Variants in ASIC1 observed in about 807,000 individuals in gnomAD.
ASIC1 encodes acid-sensing ion channel 1.
A neutral mutation model predicts 63.4 loss-of-function variants in ASIC1; 21 were observed. The observed-to-expected ratio is 0.33, with a 90% CI of 0.23 to 0.48. The LOEUF (loss-of-function observed/expected upper bound fraction) is 0.48, where lower values mean the gene tolerates loss of function less well. Among genes scored for constraint, ASIC1 ranks in the 20% least tolerant of loss-of-function variants. ASIC1 has a pLI of 0.99. For missense variants in ASIC1, 478 were observed against 695.5 expected (o/e 0.69, Z 3.52); for synonymous variants, 258 against 278.2 (o/e 0.93, Z 0.72).
intron 7 of ASIC1, among the ~76,000 whole-genome samples, chr12:50,079,427 A>AATC (rs150515728): frequency 0.032 from 4,916 of 152,146 alleles, 280 homozygotes; most frequent in African/African-American, 0.11. Flanking sequence ...TAATAATAAT[A>AATC]ATCAATAAAG....
intron 3 of ASIC1, among the ~76,000 whole-genome samples, chr12:50,063,288 A>G (rs1225445426): frequency 6.6e-6 from 1 of 152,146 alleles, no homozygotes; most frequent in Non-Finnish European, 1.5e-5. Flanking sequence ...CTCCAGCTGC[A>G]CCTTATCTGT....
At chr12:50,073,829 AG>A (rs1950624398) in intron 3 of ASIC1, 3 of 1,531,152 alleles carry the variant, frequency 2.0e-6, no homozygotes, top group East Asian at 2.4e-5. Flanking sequence ...ATTTTTGTGG[AG>A]GGGGGTCCAG....
At position 50,077,207 on chromosome 12, in the gene ASIC1, C is replaced by T. The variant is rs767214483; in HGVS notation, c.559-6C>T. On this transcript the variant is annotated splice_region_variant and splice_polypyrimidine_tract_variant and intron_variant, in intron 3 of 11. Transcript: ENST00000447966. Reference sequence around the variant, plus strand: ...ACTCTTAGGCTCTCCACTCTGCCCTCGCCAGGTCTTCACACGCTATGGAAA... The same window carrying T: ...ACTCTTAGGCTCTCCACTCTGCCCTTGCCAGGTCTTCACACGCTATGGAAA... 5.0e-6 allele frequency: 8 copies of T among 1,605,692 alleles called. No homozygotes were observed. Among genetic ancestry groups the T allele is most frequent in the East Asian group, 2.2e-5 (1 of 44,840 alleles).
chr12:50,076,941 T>C (rs1188450547), intron 3 of ASIC1: 1 of 598,594 alleles, frequency 1.7e-6, no homozygotes, highest in Non-Finnish European at 3.1e-6. Context: ...CCATTACCAA[T>C]ACCTCCCAAC....
intron 3 of ASIC1, among the ~76,000 whole-genome samples, chr12:50,071,179 C>A (rs2137828660): frequency 6.6e-6 from 1 of 151,968 alleles, no homozygotes; most frequent in Non-Finnish European, 1.5e-5. Context: ...CCAGGGAAGG[C>A]ACAGGACTGT....
chr12:50,080,844 C>T lies in ASIC1; in HGVS notation c.1297+255C>T, dbSNP rs899813299. On this transcript the variant is annotated intron_variant, in intron 9 of 11. Coordinates refer to ENST00000447966, the MANE Select transcript of ASIC1 (RefSeq NM_001095.4). Reference sequence around the variant, plus strand: ...TGGAAGTGGAGACTATTTCATATGCCCCTAAACTAAGAGGGTTGTGGTATT... The same window carrying T: ...TGGAAGTGGAGACTATTTCATATGCTCCTAAACTAAGAGGGTTGTGGTATT... The T allele has an allele frequency of 9.7e-6, 9 of 929,732 alleles. No individual in the cohort carries two copies. In the South Asian group the frequency reaches 1.2e-4, roughly 13 times the overall value. 57.6% of individuals were successfully genotyped at this position (929,732 alleles called of 1,614,324 possible). A position where few individuals can be genotyped will look rare whatever the true frequency, so the allele number is the denominator to read the frequency against.
At position 50,074,147 on chromosome 12, in the gene ASIC1, T is replaced by C. The variant is rs1309356455; in HGVS notation, c.559-3066T>C. ...GCCTTCTCTGGGGAGCCCTTTAACC[T>C]GCACCGCTTCTACAATCGCTCCTGC... On this transcript the variant is annotated intron_variant, in intron 3 of 11. Coordinates refer to ENST00000447966, the MANE Select transcript of ASIC1 (RefSeq NM_001095.4). The surrounding 1 kb of genome is among the most constrained non-coding windows in gnomAD (Gnocchi z 4.2). 6.5e-7 allele frequency: 1 copy of C among 1,535,454 alleles called. No individual in the cohort carries two copies. Among genetic ancestry groups the C allele is most frequent in the East Asian group, 2.4e-5 (1 of 40,922 alleles).
rs369876465 is a variant in ASIC1 at position 50,078,083 on chromosome 12, G to A, written c.793G>A (p.Val265Met). Reference protein sequence around the residue: ...PPFIDQLGFGVAPGFQTFVAC... With the variant: ...PPFIDQLGFGMAPGFQTFVAC... ...TTTCATCGACCAGCTGGGCTTTGGC[G>A]TGGCCCCAGGCTTCCAGACCTTTGT... The change falls in exon 5 of 12, where the codon GTG becomes ATG. Residue 265 changes from valine to methionine, a missense_variant. Around this residue, in one of 3 missense-constraint regions of ASIC1, gnomAD observed 290 missense variants for 414.9 expected, o/e 0.70. Transcript: ENST00000447966. This position sits in a 1 kb window ranked among gnomAD's most constrained non-coding sequence, Gnocchi z 6.0. The A allele has an allele frequency of 8.1e-6, 13 of 1,613,906 alleles. No homozygotes were observed. The highest frequency in any genetic ancestry group is 1.1e-5 in the Non-Finnish European group (13 of 1,179,952).
At chr12:50,069,287 T>TATTA (rs1321369404) in intron 3 of ASIC1, among the ~76,000 whole-genome samples, 3 of 134,180 alleles carry the variant, frequency 2.2e-5, no homozygotes, top group Non-Finnish European at 5.1e-5. Flanking sequence ...TTTATTTATT[T>TATTA]ATTTATTATT....
chr12:50,076,882 G>A (rs1950660267), intron 3 of ASIC1: 3 of 482,966 alleles, frequency 6.2e-6, no homozygotes, highest in South Asian at 4.8e-5. Flanking sequence ...ACAGAGGGGC[G>A]AGGGCTGGGG....
At chr12:50,080,219 C>G in intron 8 of ASIC1, 164 bp downstream of exon 8, 2 of 1,000,762 alleles carry the variant, frequency 2.0e-6, no homozygotes, top group East Asian at 2.6e-5. Context: ...CAGGGAAGAT[C>G]AAGCCAGAAT....
rs1451330675 is a variant in ASIC1, at chr12:50,074,757, C to T, written c.559-2456C>T. On this transcript the variant is annotated intron_variant, in intron 3 of 11. Transcript: ENST00000447966. This position sits in a 1 kb window ranked among gnomAD's most constrained non-coding sequence, Gnocchi z 4.2. ...GAGGGGTGGGGATATCCCCCAACCC[C>T]ACCCCACCATGGCCCTTGTCAGCAT... Among the ~76,000 whole-genome samples the T allele has an allele frequency of 6.6e-6, 1 of 152,016 alleles. No individual in the cohort carries two copies. Among genetic ancestry groups the T allele is most frequent in the Non-Finnish European group, 1.5e-5 (1 of 67,974 alleles).
rs750626944 is a variant in ASIC1 at position 50,081,193 on chromosome 12, C to T, written c.1377+12C>T. 4.3e-5 allele frequency: 69 copies of T among 1,609,320 alleles called. No homozygotes were observed. Among genetic ancestry groups the T allele is most frequent in the Non-Finnish European group, 3.5e-5 (41 of 1,178,048 alleles). On this transcript the variant is annotated intron_variant, in intron 10 of 11. Coordinates refer to ENST00000447966, the MANE Select transcript of ASIC1 (RefSeq NM_001095.4). ...ACTACGCCTACGAGGTAAGCGGGGG[C>T]GAGGCCCGGCACGGGGCCACGTGGG... is the stretch of plus-strand genomic sequence containing the variant.
intron 3 of ASIC1, chr12:50,076,872 A>C: frequency 2.2e-6 from 1 of 463,030 alleles, no homozygotes; most frequent in Middle Eastern, 3.2e-4. Flanking sequence ...TACTAGAGCT[A>C]CAGAGGGGCG....
At chr12:50,064,305 T>C (rs1171206984) in intron 3 of ASIC1, among the ~76,000 whole-genome samples, 4 of 152,228 alleles carry the variant, frequency 2.6e-5, no homozygotes, top group Non-Finnish European at 5.9e-5. Context: ...GCAGAGCCCA[T>C]TGCAGTTGCA....
rs1465003828 is a variant in ASIC1 at position 50,078,450 on chromosome 12, C to T, written c.867C>T (p.Thr289=). ...TCTACCTGCCCCCACCCTGGGGCACCTGCAAAGCTGTTACCATGGACTCGG... is the reference window on the plus strand; with the variant it reads ...TCTACCTGCCCCCACCCTGGGGCACTTGCAAAGCTGTTACCATGGACTCGG... ...RLIYLPPPWG[T]CKAVTMDSDL... The change falls in exon 6 of 12, where the codon ACC becomes ACT. Residue 289 remains threonine, a synonymous_variant. Coordinates refer to ENST00000447966, the MANE Select transcript of ASIC1 (RefSeq NM_001095.4). The surrounding 1 kb of genome is among the most constrained non-coding windows in gnomAD (Gnocchi z 6.0). 2 of 1,614,078 alleles carry T rather than the reference C, an allele frequency of 1.2e-6. No homozygotes were observed. Among genetic ancestry groups the T allele is most frequent in the South Asian group, 2.2e-5 (2 of 91,086 alleles).
chr12:50,071,210 G>C (rs1592272706), intron 3 of ASIC1, among the ~76,000 whole-genome samples: 2 of 152,066 alleles, frequency 1.3e-5, no homozygotes, highest in African/African-American at 4.8e-5. Context: ...CGTGTGTCTG[G>C]GGACAGGTGG....
chr12:50,070,430 G>C (rs1036538886), intron 3 of ASIC1, among the ~76,000 whole-genome samples: 3 of 152,010 alleles, frequency 2.0e-5, no homozygotes, highest in Non-Finnish European at 4.4e-5. Flanking sequence ...GTTGGGGTGT[G>C]TGTGTCGCCC....
At position 50,081,246 on chromosome 12, in the gene ASIC1, C is replaced by CG; in HGVS notation, c.1378-13dup. The CG allele has an allele frequency of 1.2e-6, 2 of 1,604,988 alleles. No homozygotes were observed. The highest frequency in any genetic ancestry group is 2.7e-5 in the African/African-American group (2 of 74,938). On this transcript the variant is annotated splice_polypyrimidine_tract_variant and intron_variant, in intron 10 of 11. Coordinates refer to ENST00000447966, the MANE Select transcript of ASIC1 (RefSeq NM_001095.4). ...CGGGGTCCAGCCCGCCCACCTGCCC[C>CG]GTCCCCGTCCTAGGTCATTAAGCAC...
Sources: allele counts gnomAD v4.1 joint callset (sites outside exome capture counted in the v4.1 genomes callset), GRCh38; gene constraint gnomAD v4.1.1; regional missense constraint gnomAD v4.1.1; non-coding constraint Gnocchi (gnomAD v3.1); transcripts MANE v1.5; gene names NCBI Gene and HGNC (gene_info 2026-07-23, HGNC 2026-07-21).